The following KANSL1 variants were observed in gnomAD, a reference collection of about 807,000 sequenced individuals.
KANSL1 encodes MLL1/MLL complex subunit KANSL1.
KANSL1 carries 22 observed loss-of-function variants against 103.6 expected under a neutral mutation model. The ratio of observed to expected loss-of-function variants is 0.21; its 90% CI spans 0.15 to 0.30. KANSL1 has a LOEUF of 0.30. KANSL1 is among the 10% of genes least tolerant of loss of function. The pLI is 1.00. For synonymous variants in KANSL1, 600 were observed against 527.6 expected (o/e 1.14, Z -1.88); for missense variants, 1,337 against 1,399.8 (o/e 0.96, Z 0.72).
intron 4 of KANSL1, among the ~76,000 whole-genome samples, chr17:46,077,439 G>GA (rs2078820035): frequency 6.6e-6 from 1 of 152,130 alleles, no homozygotes; most frequent in South Asian, 2.1e-4. Flanking sequence ...TAGGCGTTAG[G>GA]TTTTTTTCCT....
At chr17:46,172,258 T>C in intron 1 of KANSL1, 26 bp from the exon 2 acceptor site, 1 of 1,014,386 alleles carries the variant, frequency 9.9e-7, no homozygotes, top group South Asian at 1.6e-5. Flanking sequence ...GAAAAGAATA[T>C]TAGAAATACA....
At chr17:46,106,728 T>C (rs951898442) in intron 2 of KANSL1, among the ~76,000 whole-genome samples, 25 of 152,294 alleles carry the variant, frequency 1.6e-4, no homozygotes, top group African/African-American at 5.8e-4. Context: ...TTAAAGACAC[T>C]GAGGTTTAGC....
intron 2 of KANSL1, among the ~76,000 whole-genome samples, chr17:46,119,027 G>T (rs1371341337): frequency 1.3e-5 from 2 of 152,220 alleles, no homozygotes; most frequent in African/African-American, 4.8e-5. Context: ...TAACAAATGT[G>T]TATCACCAGC....
chr17:46,212,494 C>T (rs2048196849), intron 1 of KANSL1, among the ~76,000 whole-genome samples: 1 of 152,220 alleles, frequency 6.6e-6, no homozygotes, highest in African/African-American at 2.4e-5. Flanking sequence ...GCTGGAATTA[C>T]GGGCATGAGC....
At chr17:46,112,227 G>T (rs977805447) in intron 2 of KANSL1, among the ~76,000 whole-genome samples, 1 of 151,514 alleles carries the variant, frequency 6.6e-6, no homozygotes, top group South Asian at 2.1e-4. Context: ...AATTAGCCAG[G>T]CATGATGGGG....
intron 2 of KANSL1, among the ~76,000 whole-genome samples, chr17:46,126,823 T>G (rs1167641194): frequency 1.3e-5 from 2 of 152,146 alleles, no homozygotes; most frequent in African/African-American, 4.8e-5. Flanking sequence ...GCTCCTAAAG[T>G]AGGAAAGAAT....
At chr17:46,215,939 C>T in intron 1 of KANSL1, among the ~76,000 whole-genome samples, 1 of 152,082 alleles carries the variant, frequency 6.6e-6, no homozygotes, top group African/African-American at 2.4e-5. Context: ...TACCCGGAGG[C>T]TGAGGCAAGA....
rs1332636372 is a variant in KANSL1 at position 46,094,557 on chromosome 17, T to C, written c.1431+3A>G. 2 of 1,610,850 alleles carry C rather than the reference T, an allele frequency of 1.2e-6. No individual in the cohort carries two copies. Among genetic ancestry groups the C allele is most frequent in the Non-Finnish European group, 1.7e-6 (2 of 1,179,470 alleles). On this transcript the variant is annotated splice_donor_region_variant and intron_variant, in intron 3 of 14. Transcript: ENST00000432791. The stretch of plus-strand genomic sequence containing the variant: ...TTAAAAACATCAGATACTTATCCCT[T>C]ACCTTATTAGCACGTATCTGTTTGT...
At chr17:46,110,324 C>G (rs2042748072) in intron 2 of KANSL1, among the ~76,000 whole-genome samples, 1 of 152,212 alleles carries the variant, frequency 6.6e-6, no homozygotes, top group Non-Finnish European at 1.5e-5. Context: ...ATAGGAATCA[C>G]AAATGAAGTG....
chr17:46,119,315 TTC>T (rs2043180051), intron 2 of KANSL1, among the ~76,000 whole-genome samples: 1 of 98,494 alleles, frequency 1.0e-5, no homozygotes, highest in Admixed American at 1.5e-4. Flanking sequence ...GTCCTCAATT[TTC>T]TTTTTCTTTT....
chr17:46,143,277 T>A (rs957331018), intron 2 of KANSL1, among the ~76,000 whole-genome samples: 3 of 151,864 alleles, frequency 2.0e-5, no homozygotes, highest in African/African-American at 7.3e-5. Flanking sequence ...GTGGATCACC[T>A]GAAGTCAGGA....
chr17:46,209,629 G>A (rs542203149), intron 1 of KANSL1, among the ~76,000 whole-genome samples: 317 of 152,228 alleles, frequency 2.1e-3, no homozygotes, highest in Non-Finnish European at 3.7e-3. Flanking sequence ...AAGTAGCTGG[G>A]ATTACAGGCA....
At chr17:46,108,874 C>A (rs183147199) in intron 2 of KANSL1, among the ~76,000 whole-genome samples, 1 of 152,330 alleles carries the variant, frequency 6.6e-6, no homozygotes, top group African/African-American at 2.4e-5. Flanking sequence ...ATAGTCCACA[C>A]TCTTAGTCCA....
At chr17:46,214,537 C>G (rs1416740640) in intron 1 of KANSL1, among the ~76,000 whole-genome samples, 1 of 152,200 alleles carries the variant, frequency 6.6e-6, no homozygotes, top group Non-Finnish European at 1.5e-5. Flanking sequence ...ACCTGTAATC[C>G]CAGCTATTTG....
intron 4 of KANSL1, among the ~76,000 whole-genome samples, chr17:46,073,898 A>T (rs1468645368): frequency 6.6e-6 from 1 of 152,136 alleles, no homozygotes; most frequent in East Asian, 1.9e-4. Context: ...GGATTAAACG[A>T]GTATCAATAA....
In KANSL1 at chr17:46,172,055, G is replaced by T; in HGVS notation, c.89C>A (p.Ser30Tyr). ...GCCGTTATTTTCGGCACTGCCAGGG[G>T]ACAAGGTAGAGGATGGGGGAGCCAG... ...FKLAPPSSTL[S>Y]PGSAENNGNA... The change falls in exon 2 of 15, where the codon TCC becomes TAC. Residue 30 changes from serine to tyrosine, a missense_variant. Ser to Tyr is a moderately radical substitution (Grantham distance 144). Around this residue, in one of 2 missense-constraint regions of KANSL1, gnomAD observed 557 missense variants for 476.4 expected, o/e 1.17. Coordinates refer to ENST00000432791, the MANE Select transcript of KANSL1 (RefSeq NM_015443.4). 1.2e-6 allele frequency: 2 copies of T among 1,614,180 alleles called. No homozygotes were observed. The highest frequency in any genetic ancestry group is 1.1e-5 in the South Asian group (1 of 91,088).
chr17:46,162,831 T>C (rs1327732385), intron 2 of KANSL1, among the ~76,000 whole-genome samples: 1 of 152,282 alleles, frequency 6.6e-6, no homozygotes, highest in African/African-American at 2.4e-5. Context: ...GCTACCTCTC[T>C]GGTCTCATTT....
In KANSL1 at chr17:46,062,134, A is replaced by AAAAAAAAAAAAAAAAAAAAAAC. The variant is rs67483415; in HGVS notation, c.1848+4402_1848+4403insGTTTTTTTTTTTTTTTTTTTTT. On this transcript the variant is annotated intron_variant, in intron 6 of 14. Coordinates refer to ENST00000432791, the MANE Select transcript of KANSL1 (RefSeq NM_015443.4). ...ACAAACAAACAAAAAAAAAAAAAAA[A>AAAAAAAAAAAAAAAAAAAAAAC]CATGTTACAGCAGATTTACCTCCCC... Among the ~76,000 whole-genome samples, 10 of 132,750 alleles carry AAAAAAAAAAAAAAAAAAAAAAC rather than the reference A, an allele frequency of 7.5e-5. No homozygotes were observed. In the South Asian group the frequency reaches 8.7e-4, roughly 11 times the overall value. The allele number at this position is 132,750 out of a possible 152,430, so 87.1% of individuals were successfully genotyped here.
intron 2 of KANSL1, among the ~76,000 whole-genome samples, chr17:46,113,848 CTTGA>C (rs547759937): frequency 2.2e-4 from 33 of 152,138 alleles, no homozygotes; most frequent in Non-Finnish European, 4.3e-4. Context: ...TTTGTAAGAT[CTTGA>C]TTAAGCCATG....
Sources: gnomAD v4.1 joint callset for allele counts (sites outside exome capture counted in the v4.1 genomes callset) on GRCh38, gnomAD v4.1.1 for gene constraint, gnomAD v4.1.1 regional missense constraint, MANE v1.5 for transcripts, NCBI Gene and HGNC (gene_info 2026-07-23, HGNC 2026-07-21) for gene names.